The following STXBP4 variants were observed in gnomAD, a reference collection of about 807,000 sequenced individuals.
STXBP4 encodes the protein syntaxin-binding protein 4.
In STXBP4, 55 loss-of-function variants were observed where a neutral mutation model predicts 76.1. The observed-to-expected ratio is 0.72, with a 90% CI of 0.58 to 0.91. STXBP4 has a LOEUF of 0.91. STXBP4 is among the 40% of genes least tolerant of loss of function. The pLI, the probability that STXBP4 is intolerant of heterozygous loss-of-function variation, is 0.00. For synonymous variants in STXBP4, 201 were observed against 220.2 expected (o/e 0.91, Z 0.77); for missense variants, 618 against 636.9 (o/e 0.97, Z 0.32).
chr17:54,968,799 G>T lies in STXBP4; in HGVS notation c.-173G>T. 6.1e-6 allele frequency: 5 copies of T among 815,544 alleles called. 1 individual carries two copies. Among genetic ancestry groups the T allele is most frequent in the Non-Finnish European group, 9.6e-6 (5 of 520,228 alleles). The allele number at this position is 815,544 out of a possible 1,614,324, so 50.5% of individuals were successfully genotyped here. On this transcript the variant is annotated 5_prime_UTR_variant, in exon 1 of 18. Coordinates refer to ENST00000376352, the MANE Select transcript of STXBP4 (RefSeq NM_178509.6). ...CGCTTGCAGTCGGGCTACGGAGGCCGGGTTGCCAGATTACGGGTAAGTTTG... is the reference window on the plus strand; with the variant it reads ...CGCTTGCAGTCGGGCTACGGAGGCCTGGTTGCCAGATTACGGGTAAGTTTG...
chr17:55,182,490 G>A, the STXBP4 span, among the ~76,000 whole-genome samples: 3 of 152,074 alleles, frequency 2.0e-5, no homozygotes, highest in East Asian at 1.9e-4. Context: ...AAGGGATAAC[G>A]TATAATTTGA....
intron 17 of STXBP4, among the ~76,000 whole-genome samples, chr17:55,151,893 T>C (rs1423671299): frequency 6.6e-6 from 1 of 152,192 alleles, no homozygotes; most frequent in Non-Finnish European, 1.5e-5. Flanking sequence ...ATTATCACAG[T>C]GATTCAACTG....
At chr17:55,185,919 G>A in the STXBP4 span, among the ~76,000 whole-genome samples, 2 of 152,224 alleles carry the variant, frequency 1.3e-5, no homozygotes, top group African/African-American at 4.8e-5. Flanking sequence ...GTGAGTTTGG[G>A]AAGCTGTAAA....
chr17:55,125,850 A>G (rs1411241759), intron 16 of STXBP4, among the ~76,000 whole-genome samples: 1 of 152,208 alleles, frequency 6.6e-6, no homozygotes, highest in Non-Finnish European at 1.5e-5. Flanking sequence ...TAGAACTAGC[A>G]TATGAAGTTT....
At chr17:55,000,497 A>G (rs1032849669) in intron 6 of STXBP4, among the ~76,000 whole-genome samples, 28 of 152,326 alleles carry the variant, frequency 1.8e-4, no homozygotes, top group African/African-American at 6.5e-4. Flanking sequence ...TCTCTGGTAC[A>G]TGCTGAACAG....
Position 54,979,541 on chromosome 17 carries a change from C to T in STXBP4, c.-156-6073C>T, listed in dbSNP as rs531435693. 2.6e-5 allele frequency among the ~76,000 whole-genome samples: 4 copies of T among 152,274 alleles called. No individual in the cohort carries two copies. In the South Asian group the frequency reaches 8.3e-4, roughly 32 times the overall value. Reference sequence around the variant, plus strand: ...CTTTTATTCCCTCACTAACAATATACGCATAAGCCCTCATACTCAATATGA... The same window carrying T: ...CTTTTATTCCCTCACTAACAATATATGCATAAGCCCTCATACTCAATATGA... On this transcript the variant is annotated intron_variant, in intron 1 of 17. Coordinates refer to ENST00000376352, the MANE Select transcript of STXBP4 (RefSeq NM_178509.6).
intron 16 of STXBP4, among the ~76,000 whole-genome samples, chr17:55,103,152 A>G (rs1158570689): frequency 6.6e-6 from 1 of 151,994 alleles, no homozygotes; most frequent in Admixed American, 6.6e-5. Flanking sequence ...CCATTTGTCA[A>G]TTTTGGCTTT....
At chr17:55,068,179 A>C (rs2079076025) in intron 12 of STXBP4, among the ~76,000 whole-genome samples, 1 of 152,252 alleles carries the variant, frequency 6.6e-6, no homozygotes, top group East Asian at 1.9e-4. Flanking sequence ...AATTTTTTTC[A>C]CAAGCTGTAA....
At chr17:55,148,867 C>T (rs2080185244) in intron 17 of STXBP4, among the ~76,000 whole-genome samples, 1 of 152,160 alleles carries the variant, frequency 6.6e-6, no homozygotes, top group South Asian at 2.1e-4. Context: ...CTAACACCCT[C>T]CTTCTAAAGA....
rs555062275 is a variant in STXBP4, at chr17:55,134,968, C to T, written c.1490-6342C>T. 8.5e-5 allele frequency among the ~76,000 whole-genome samples: 13 copies of T among 152,134 alleles called. No individual in the cohort carries two copies. The South Asian group carries it at 2.7e-3, about 32-fold the overall frequency. Reference sequence around the variant, plus strand: ...TGTAAGAGAAAACATTTAAACTGGCCCCTTAAATGTCTGTACATCAGAGTT... The same window carrying T: ...TGTAAGAGAAAACATTTAAACTGGCTCCTTAAATGTCTGTACATCAGAGTT... On this transcript the variant is annotated intron_variant, in intron 16 of 17. Coordinates refer to ENST00000376352, the MANE Select transcript of STXBP4 (RefSeq NM_178509.6).
chr17:55,041,854 T>G (rs2078703711), intron 10 of STXBP4, among the ~76,000 whole-genome samples: 1 of 152,136 alleles, frequency 6.6e-6, no homozygotes, highest in Non-Finnish European at 1.5e-5. Flanking sequence ...TACCACTCAA[T>G]TTTGCTTTTA....
At chr17:55,080,494 AT>A (rs2079242720) in intron 15 of STXBP4, among the ~76,000 whole-genome samples, 1 of 152,080 alleles carries the variant, frequency 6.6e-6, no homozygotes. Flanking sequence ...AAAACATTTA[AT>A]TTTTAATTAG....
intron 17 of STXBP4, among the ~76,000 whole-genome samples, chr17:55,158,749 A>G (rs2080307650): frequency 6.6e-6 from 1 of 152,216 alleles, no homozygotes; most frequent in South Asian, 2.1e-4. Context: ...GTTAGGCCCC[A>G]CAAATTCAGA....
rs184577111 is a variant in STXBP4 at position 55,169,877 on chromosome 17, C to T, written c.*9966C>T. The T allele has an allele frequency of 2.6e-3, 400 of 152,290 alleles. 2 individuals are homozygous for T. The highest frequency in any genetic ancestry group is 9.0e-3 in the African/African-American group (372 of 41,558). The allele number at this position is 152,290 out of a possible 1,614,324, so 9.4% of individuals were successfully genotyped here. The stretch of plus-strand genomic sequence containing the variant: ...GTAGTATTTACTGTGTGAAGTGAAC[C>T]TTTAAGGCTGTGGACAATGCAAACT... On this transcript the variant is annotated 3_prime_UTR_variant, in exon 18 of 18. Transcript: ENST00000376352.
intron 12 of STXBP4, among the ~76,000 whole-genome samples, chr17:55,064,326 A>G (rs544061484): frequency 7.3e-5 from 11 of 151,562 alleles, no homozygotes; most frequent in Non-Finnish European, 1.3e-4. Flanking sequence ...CATGCCCTTT[A>G]TCTTGTCTGT....
chr17:55,127,605 ACT>A (rs1480931816), intron 16 of STXBP4, among the ~76,000 whole-genome samples: 2 of 152,068 alleles, frequency 1.3e-5, no homozygotes, highest in African/African-American at 4.8e-5. Flanking sequence ...TAAGTTTATA[ACT>A]CTTTAATGTA....
chr17:55,093,452 G>C (rs765086720), intron 16 of STXBP4, among the ~76,000 whole-genome samples: 8 of 152,142 alleles, frequency 5.3e-5, no homozygotes, highest in Non-Finnish European at 1.0e-4. Flanking sequence ...TGTGTCACTT[G>C]AGAGAAATTT....
the STXBP4 span, among the ~76,000 whole-genome samples, chr17:55,181,970 C>A: frequency 6.6e-5 from 10 of 152,168 alleles, no homozygotes; most frequent in African/African-American, 2.2e-4. Flanking sequence ...TTAACCCTTG[C>A]AGAAACTGAA....
rs2077331787 is a variant in STXBP4, at chr17:54,968,826, G to A, written c.-157+11G>A. The A allele has an allele frequency of 1.6e-6, 1 of 632,328 alleles. No individual in the cohort carries two copies. Among genetic ancestry groups the A allele is most frequent in the Non-Finnish European group, 2.7e-6 (1 of 365,688 alleles). The allele number at this position is 632,328 out of a possible 1,614,324, so 39.2% of individuals were successfully genotyped here. A position where few individuals can be genotyped will look rare whatever the true frequency, so the allele number is the denominator to read the frequency against. ...GTTGCCAGATTACGGGTAAGTTTGC[G>A]TTTTGCTTTGTGACTGTTACTCCCA... On this transcript the variant is annotated intron_variant, in intron 1 of 17. Coordinates refer to ENST00000376352, the MANE Select transcript of STXBP4 (RefSeq NM_178509.6).
Sources: gnomAD v4.1 joint callset for allele counts (sites outside exome capture counted in the v4.1 genomes callset) on GRCh38, gnomAD v4.1.1 for gene constraint, MANE v1.5 for transcripts, NCBI Gene and HGNC (gene_info 2026-07-23, HGNC 2026-07-21) for gene names.